The following GOLGA3 variants were observed in gnomAD, a reference collection of about 807,000 sequenced individuals.
The protein encoded by GOLGA3 is golgin A3, also known as golgin subfamily A member 3.
GOLGA3 carries 75 observed loss-of-function variants against 169.4 expected under a neutral mutation model. The ratio of observed to expected loss-of-function variants is 0.44; its 90% confidence interval spans 0.37 to 0.54. The LOEUF is 0.54. GOLGA3 is among the 20% of genes least tolerant of loss of function. GOLGA3 has a pLI of 0.00. For synonymous variants in GOLGA3, 824 were observed against 822.4 expected, an observed-to-expected ratio of 1.00 and a Z score of -0.03; for missense variants, 1,899 against 1,930.0, an observed-to-expected ratio of 0.98 and a Z score of 0.30.
Position 132,786,496 on chromosome 12 carries a change from T to C in GOLGA3, c.2966A>G (p.Gln989Arg). ...RRLGSDLTSA[Q>R]KEMKTKHKAY... ...CTTATGTTTGGTCTTCATCTCCTTC[T>C]GGGCGCTGGTCAAGTCTGAGCCCAG... The change falls in exon 15 of 24, where the codon CAG becomes CGG. Residue 989 changes from glutamine to arginine, a missense_variant. Coordinates refer to ENST00000450791, the MANE Select transcript of GOLGA3 (RefSeq NM_001389683.1). 1.2e-6 allele frequency: 2 copies of C among 1,613,582 alleles called. No individual in the cohort carries two copies. The highest frequency in any genetic ancestry group is 1.7e-6 in the Non-Finnish European group (2 of 1,179,970).
chr12:132,794,019 G>A (rs564110444), intron 11 of GOLGA3, among the ~76,000 whole-genome samples: 1 of 152,318 alleles, frequency 6.6e-6, no homozygotes, highest in South Asian at 2.1e-4. Flanking sequence ...CGGTCCCTCA[G>A]GAGCCCCCCT....
At chr12:132,795,296 A>G (rs1405361255) in intron 11 of GOLGA3, among the ~76,000 whole-genome samples, 1 of 152,216 alleles carries the variant, frequency 6.6e-6, no homozygotes, top group Non-Finnish European at 1.5e-5. Flanking sequence ...GTTCGAGACT[A>G]GCCTGGCCAA....
In GOLGA3 at chr12:132,775,226, A is replaced by G. The variant is rs1328567130; in HGVS notation, c.4058T>C (p.Val1353Ala). The change falls in exon 22 of 24, where the codon GTG becomes GCG. Residue 1353 changes from valine (V) to alanine (A), a missense_variant. Transcript: ENST00000450791. ...CTTCATGTTGTTCTTCAGCTCCGAC[A>G]CTTTTGCCTGGAGCATAAATTTATC... is the stretch of plus-strand genomic sequence containing the variant. ...QKDKFMLQAKVSELKNNMKTL... is the reference protein window; with the variant it reads ...QKDKFMLQAKASELKNNMKTL... 6.2e-7 allele frequency: 1 copy of G among 1,613,850 alleles called. No homozygotes were observed.
chr12:132,797,712 CA>C (rs1010478062), intron 9 of GOLGA3, among the ~76,000 whole-genome samples: 112 of 141,170 alleles, frequency 7.9e-4, no homozygotes, highest in Non-Finnish European at 7.9e-4. Context: ...AATTCCACCT[CA>C]AAAAAAAAAA....
intron 11 of GOLGA3, 98 bp from the exon 12 acceptor site, chr12:132,791,391 C>G: frequency 3.0e-6 from 2 of 658,662 alleles, no homozygotes; most frequent in Non-Finnish European, 5.4e-6. Flanking sequence ...GGGAACACAT[C>G]TGCACAAATG....
In GOLGA3 at chr12:132,803,340, T is replaced by C. The variant is rs188206148; in HGVS notation, c.1598-1371A>G. ...TTAATCAAGTCGGCAAATTCACACT[T>C]AGGAAATCTGTGAAAATGGTCATGG... On this transcript the variant is annotated intron_variant, in intron 7 of 23. Transcript: ENST00000450791. Among the ~76,000 whole-genome samples, 12 of 152,266 alleles carry C rather than the reference T, an allele frequency of 7.9e-5. No individual in the cohort carries two copies. The East Asian group carries it at 1.9e-3, about 24-fold the overall frequency.
chr12:132,774,284 G>A lies in GOLGA3; in HGVS notation c.4180C>T (p.Pro1394Ser), dbSNP rs1209992621. Reference sequence around the variant, plus strand: ...TCCGGGATCTTGATGGGCGTGGCAGGGTTGGAAGAGCTGGCCTCGCCTTTC... The same window carrying A: ...TCCGGGATCTTGATGGGCGTGGCAGAGTTGGAAGAGCTGGCCTCGCCTTTC... ...EPKGEASSSNPATPIKIPDCP... is the reference protein window; with the variant it reads ...EPKGEASSSNSATPIKIPDCP... Residue 1394 changes from proline to serine, a missense_variant, in exon 23 of 24, where the codon CCT becomes TCT. Coordinates refer to ENST00000450791, the MANE Select transcript of GOLGA3 (RefSeq NM_001389683.1). 3 of 1,612,754 alleles carry A rather than the reference G, an allele frequency of 1.9e-6. No homozygotes were observed. Among genetic ancestry groups the A allele is most frequent in the Admixed American group, 1.7e-5 (1 of 60,020 alleles).
intron 1 of GOLGA3, chr12:132,825,644 T>C (rs749876440): frequency 4.1e-5 from 31 of 763,358 alleles, no homozygotes; most frequent in Non-Finnish European, 3.8e-5. Flanking sequence ...TCAGTTCCAA[T>C]GAGGGAGTCC....
chr12:132,782,631 C>T (rs369688423), intron 16 of GOLGA3, 138 bp from the exon 17 acceptor site: 20 of 694,068 alleles, frequency 2.9e-5, no homozygotes, highest in East Asian at 1.0e-4. Context: ...AATCACAGCA[C>T]ATTGGGAGGC....
At chr12:132,782,209 G>C (rs776778624) in intron 17 of GOLGA3, 87 bp downstream of exon 17, 36 of 1,226,188 alleles carry the variant, frequency 2.9e-5, no homozygotes, top group Non-Finnish European at 4.2e-5. Flanking sequence ...CAGCACAGGT[G>C]ACTGAATCTG....
At position 132,807,916 on chromosome 12, in the gene GOLGA3, T is replaced by G; in HGVS notation, c.1153A>C (p.Ser385Arg). Residue 385 changes from serine to arginine, a missense_variant, in exon 5 of 24, where the codon AGT (serine) becomes CGT (arginine). By Grantham distance (110) the Ser-to-Arg change is moderately radical. Coordinates refer to ENST00000450791, the MANE Select transcript of GOLGA3 (RefSeq NM_001389683.1). ...CTGCTGCAGATGCTGTCTCTCCGAC[T>G]CCGCACCTCCCCGTTGACCTCCTGC... ...QGQEVNGEVR[S>R]RRDSICSSVS... is the part of the protein sequence containing the mutation. 1 of 1,480,060 alleles carries G rather than the reference T, an allele frequency of 6.8e-7. No individual in the cohort carries two copies. Among genetic ancestry groups the G allele is most frequent in the Admixed American group, 1.8e-5 (1 of 54,746 alleles). 91.7% of individuals were successfully genotyped at this position (1,480,060 alleles called of 1,614,324 possible).
chr12:132,825,955 C>T (rs1321932901), intron 1 of GOLGA3: 2 of 953,428 alleles, frequency 2.1e-6, no homozygotes, highest in Non-Finnish European at 3.5e-6. Context: ...CGCAGAGGAC[C>T]ACTGTCATCC....
intron 7 of GOLGA3, 46 bp from the exon 8 acceptor site, chr12:132,802,015 G>T: frequency 6.6e-7 from 1 of 1,513,120 alleles, no homozygotes; most frequent in Non-Finnish European, 9.0e-7. Flanking sequence ...ACGGCCAACG[G>T]GGGAGTCCGC....
At chr12:132,787,725 ACCCCGGG>A in intron 13 of GOLGA3, among the ~76,000 whole-genome samples, 10 of 32,906 alleles carry the variant, frequency 3.0e-4, no homozygotes, top group Non-Finnish European at 5.0e-4. Flanking sequence ...CTCCCCGGAG[ACCCCGGG>A]ACCCCTCCCC....
rs753058455 is a variant in GOLGA3, at chr12:132,798,298, G to A, written c.1938+42C>T. 9.1e-5 allele frequency: 142 copies of A among 1,565,884 alleles called. 1 individual carries two copies. Among genetic ancestry groups the A allele is most frequent in the East Asian group, 4.5e-5 (2 of 44,176 alleles). The stretch of plus-strand genomic sequence containing the variant: ...AAACACACATGGTATCGATGTCTGC[G>A]TCTGTTCTCCTAAGCTTCCACGGCC... On this transcript the variant is annotated intron_variant, in intron 9 of 23. Transcript: ENST00000450791.
intron 16 of GOLGA3, among the ~76,000 whole-genome samples, chr12:132,783,038 C>T (rs2045693838): frequency 6.6e-6 from 1 of 152,090 alleles, no homozygotes; most frequent in African/African-American, 2.4e-5. Context: ...TCTACCAAAA[C>T]TACAGAAATT....
intron 14 of GOLGA3, 46 bp downstream of exon 14, chr12:132,786,629 TCCCCCCCGGCCCCCGCAC>T: frequency 9.4e-7 from 1 of 1,059,322 alleles, no homozygotes; most frequent in Non-Finnish European, 1.3e-6. Flanking sequence ...CTGGTTCGCC[TCCCCCCCGGCCCCCGCAC>T]CTCCCACCTG....
rs527392077 is a variant in GOLGA3 at position 132,820,398 on chromosome 12, C to A, written c.133+1598G>T. 2.6e-5 allele frequency among the ~76,000 whole-genome samples: 4 copies of A among 152,178 alleles called. No homozygotes were observed. The East Asian group carries it at 7.7e-4, about 29-fold the overall frequency. On this transcript the variant is annotated intron_variant, in intron 2 of 23. Transcript: ENST00000450791. ...GGGGCGGAGGCTGAGATTAACCCAG[C>A]GTCTTGCTCGAGGGCACATTGCTCC...
At chr12:132,826,251 A>AC in intron 1 of GOLGA3, 2 of 1,312,468 alleles carry the variant, frequency 1.5e-6, no homozygotes, top group East Asian at 4.7e-5. Context: ...AAAAAAAAAA[A>AC]AAAAAAAGAA....
Sources: allele counts gnomAD v4.1 joint callset (sites outside exome capture counted in the v4.1 genomes callset), GRCh38; gene constraint gnomAD v4.1.1; transcripts MANE v1.5; gene names NCBI Gene and HGNC (gene_info 2026-07-23, HGNC 2026-07-21).